The following PCBP2 variants were observed in gnomAD, a reference collection of about 807,000 sequenced individuals.
PCBP2 encodes the protein poly(rC)-binding protein 2.
In PCBP2, 4 loss-of-function variants were observed where a neutral mutation model predicts 50.1. The observed-to-expected ratio is 0.08, with a 90% CI of 0.04 to 0.18. The LOEUF (loss-of-function observed/expected upper bound fraction) is 0.18, where lower values mean the gene tolerates loss of function less well. Ranked by LOEUF, PCBP2 falls within the 10% of genes least tolerant of loss-of-function variation. The pLI is 1.00. For synonymous variants in PCBP2, 179 were observed against 168.0 expected (o/e 1.07, Z -0.51); for missense variants, 161 against 474.3 (o/e 0.34, Z 6.14).
intron 8 of PCBP2, chr12:53,464,514 T>G: frequency 2.2e-6 from 1 of 457,676 alleles, no homozygotes; most frequent in Non-Finnish European, 3.8e-6. Context: ...GACCAGGAGC[T>G]GGCATCAGCT....
At chr12:53,460,961 T>A in intron 6 of PCBP2, 54 bp from the exon 7 acceptor site, 1 of 1,594,268 alleles carries the variant, frequency 6.3e-7, no homozygotes, top group South Asian at 1.1e-5. Flanking sequence ...GCTGGAGGAA[T>A]TGGAAGAGCA....
intron 8 of PCBP2, 109 bp from the exon 9 acceptor site, chr12:53,464,651 T>C: frequency 4.8e-6 from 7 of 1,465,400 alleles, no homozygotes; most frequent in Non-Finnish European, 5.5e-6. Flanking sequence ...GAGCTCCTTT[T>C]TAAAGGAAAA....
At chr12:53,453,291 A>G (rs996334619) in intron 1 of PCBP2, 2 of 151,922 alleles carry the variant, frequency 1.3e-5, no homozygotes, top group Non-Finnish European at 2.9e-5. Flanking sequence ...AGGGTAAGGA[A>G]TTAAACTACC....
intron 6 of PCBP2, chr12:53,460,587 G>A (rs1312615485): frequency 4.7e-6 from 1 of 210,762 alleles, no homozygotes; most frequent in African/African-American, 2.4e-5. Context: ...GCACGACAGA[G>A]ATCTTAATTT....
chr12:53,469,446 C>A (rs967769194), intron 13 of PCBP2, among the ~76,000 whole-genome samples: 1 of 151,950 alleles, frequency 6.6e-6, no homozygotes, highest in Non-Finnish European at 1.5e-5. Context: ...CCTGGCTGGG[C>A]ACGGTGGCTC....
chr12:53,468,890 A>T, intron 13 of PCBP2, 58 bp downstream of exon 13: 8 of 1,098,994 alleles, frequency 7.3e-6, no homozygotes, highest in Non-Finnish European at 1.1e-5. Context: ...AAAGAAATAG[A>T]TGTCGTTTCA....
At chr12:53,479,230 A>G (rs1335004086) in intron 14 of PCBP2, among the ~76,000 whole-genome samples, 176 bp from the exon 15 acceptor site, 1 of 152,242 alleles carries the variant, frequency 6.6e-6, no homozygotes, top group Non-Finnish European at 1.5e-5. Context: ...AGACCTCCAC[A>G]TGCTTGAATT....
Position 53,462,494 on chromosome 12 carries a change from C to A in PCBP2, c.506C>A (p.Ser169Tyr). Residue 169 changes from serine (S) to tyrosine (Y), a missense_variant and splice_region_variant, in exon 8 of 15, where the codon TCC becomes TAC. Ser to Tyr is a moderately radical substitution (Grantham distance 144, BLOSUM62 -2). Transcript: ENST00000546463. ...VKQICVVMLE[S>Y]PPKGVTIPYR... is the part of the protein sequence containing the mutation. ...TTTTCCCCTCTGACTCTCTCCCAGTCCCCCCCGAAGGGCGTGACCATCCCG... is the reference window on the plus strand; with the variant it reads ...TTTTCCCCTCTGACTCTCTCCCAGTACCCCCCGAAGGGCGTGACCATCCCG... 6.2e-7 allele frequency: 1 copy of A among 1,602,610 alleles called. No individual in the cohort carries two copies. Among genetic ancestry groups the A allele is most frequent in the Non-Finnish European group, 8.5e-7 (1 of 1,172,478 alleles).
At chr12:53,460,431 C>A in intron 6 of PCBP2, 1 of 314,318 alleles carries the variant, frequency 3.2e-6, no homozygotes, top group South Asian at 2.4e-5. Flanking sequence ...CAGATGTGAG[C>A]CACTGTGCCT....
intron 12 of PCBP2, chr12:53,468,291 A>T (rs1170092028): frequency 5.1e-6 from 1 of 194,920 alleles, no homozygotes; most frequent in African/African-American, 2.3e-5. Flanking sequence ...GGTTAGGAGA[A>T]TAGGGGGTGG....
At chr12:53,460,367 A>G (rs570535806) in intron 6 of PCBP2, 6 of 398,238 alleles carry the variant, frequency 1.5e-5, no homozygotes, top group South Asian at 1.1e-4. Flanking sequence ...CTGGTCTCCA[A>G]CTCCTGAGCT....
At chr12:53,460,826 ATTTATT>A in intron 6 of PCBP2, 183 bp from the exon 7 acceptor site, 2 of 532,332 alleles carry the variant, frequency 3.8e-6, no homozygotes, top group East Asian at 7.2e-5. Flanking sequence ...TCAGTGGCTA[ATTTATT>A]TTTAACTCTA....
At chr12:53,471,127 T>C (rs1455246272) in intron 13 of PCBP2, among the ~76,000 whole-genome samples, 1 of 151,842 alleles carries the variant, frequency 6.6e-6, no homozygotes, top group Non-Finnish European at 1.5e-5. Flanking sequence ...CAAAAGTGTA[T>C]GAGTAAAGGG....
intron 5 of PCBP2, among the ~76,000 whole-genome samples, chr12:53,459,044 G>T (rs1246673941): frequency 6.6e-6 from 1 of 151,934 alleles, no homozygotes; most frequent in Non-Finnish European, 1.5e-5. Flanking sequence ...TTCCTTCAGG[G>T]TGAAGGAAAA....
chr12:53,471,194 A>C (rs570963937), intron 13 of PCBP2, among the ~76,000 whole-genome samples: 23 of 152,156 alleles, frequency 1.5e-4, no homozygotes, highest in African/African-American at 5.3e-4. Flanking sequence ...TACAGGGAGC[A>C]CAGAGATACA....
intron 6 of PCBP2, chr12:53,460,200 C>T (rs997909730): frequency 2.8e-5 from 6 of 215,724 alleles, no homozygotes; most frequent in Admixed American, 2.2e-4. Flanking sequence ...AGGGCATAAT[C>T]GTGATCATGG....
chr12:53,471,449 G>A (rs1942227322), intron 13 of PCBP2, among the ~76,000 whole-genome samples, 189 bp from the exon 14 acceptor site: 1 of 151,910 alleles, frequency 6.6e-6, no homozygotes, highest in Admixed American at 6.6e-5. Context: ...ATGGTGGCAT[G>A]CGCCTGTAGT....
chr12:53,469,909 T>G (rs1942091017), intron 13 of PCBP2, among the ~76,000 whole-genome samples: 1 of 151,882 alleles, frequency 6.6e-6, no homozygotes, highest in South Asian at 2.1e-4. Flanking sequence ...GTCCGGCTGA[T>G]TTTTGTATTT....
At chr12:53,457,616 G>A (rs913836447) in intron 5 of PCBP2, among the ~76,000 whole-genome samples, 1 of 152,140 alleles carries the variant, frequency 6.6e-6, no homozygotes, top group African/African-American at 2.4e-5. Flanking sequence ...AAAGTGCTGG[G>A]ATTACAGGCA....
Sources: allele counts gnomAD v4.1 joint callset (sites outside exome capture counted in the v4.1 genomes callset), GRCh38; gene constraint gnomAD v4.1.1; transcripts MANE v1.5; gene names NCBI Gene and HGNC (gene_info 2026-07-23, HGNC 2026-07-21).